FRA10AC1: variants seen among roughly 807,000 people sequenced by gnomAD.
FRA10AC1 encodes the protein FRA10A associated CGG repeat 1.
A neutral mutation model predicts 56.5 loss-of-function variants in FRA10AC1; 43 were observed. The observed-to-expected ratio is 0.76, with a 90% CI of 0.60 to 0.98. The LOEUF (loss-of-function observed/expected upper bound fraction) is 0.98. Among genes scored for constraint, FRA10AC1 ranks in the 50% least tolerant of loss-of-function variants. FRA10AC1 has a pLI of 0.00. For missense variants in FRA10AC1, 346 were observed against 351.8 expected (o/e 0.98, Z 0.13); for synonymous variants, 112 against 110.5 (o/e 1.01, Z -0.09).
chr10:93,674,474 G>A (rs927132550), intron 12 of FRA10AC1: 2 of 152,268 alleles, frequency 1.3e-5, no homozygotes, highest in Non-Finnish European at 1.5e-5. Context: ...CCATAACAAT[G>A]TATATGTTTC....
intron 12 of FRA10AC1, chr10:93,673,362 C>T (rs1202440079): frequency 4.4e-6 from 2 of 456,580 alleles, no homozygotes; most frequent in Non-Finnish European, 4.4e-6. Flanking sequence ...ATCTGCAGTT[C>T]CTCCAACATT....
chr10:93,687,604 T>C (rs1405292891), intron 7 of FRA10AC1, 155 bp from the exon 8 acceptor site: 15 of 694,140 alleles, frequency 2.2e-5, no homozygotes, highest in Admixed American at 7.3e-5. Flanking sequence ...AGAAAATACA[T>C]TGAACAATCA....
In FRA10AC1 at chr10:93,685,289, A is replaced by G; in HGVS notation, c.582T>C (p.Gly194=). 6.3e-7 allele frequency: 1 copy of G among 1,588,174 alleles called. No individual in the cohort carries two copies. Among genetic ancestry groups the G allele is most frequent in the Non-Finnish European group, 8.6e-7 (1 of 1,158,524 alleles). The change falls in exon 9 of 14, where the codon GGT becomes GGC. Residue 194 remains glycine, a synonymous_variant. Transcript: ENST00000359204. ...TTCTCTTCTCACCATGCTCAATATA[A>G]CCAAAATTAACTTCCCAACTCTTTA... The part of the protein sequence containing the change: ...EGLKSWEVNF[G]YIEHGEKRNA...
At chr10:93,682,414 G>T (rs112343627) in intron 10 of FRA10AC1, among the ~76,000 whole-genome samples, 1 of 152,142 alleles carries the variant, frequency 6.6e-6, no homozygotes, top group Non-Finnish European at 1.5e-5. Context: ...ATTTTGAAAT[G>T]AAGCTCAAAA....
At chr10:93,677,110 A>G (rs1193392437) in intron 11 of FRA10AC1, among the ~76,000 whole-genome samples, 3 of 152,342 alleles carry the variant, frequency 2.0e-5, no homozygotes, top group Non-Finnish European at 4.4e-5. Flanking sequence ...GCAGGTAAGT[A>G]TTAGTTCTCA....
intron 1 of FRA10AC1, among the ~76,000 whole-genome samples, chr10:93,701,776 T>C (rs1232055414): frequency 1.3e-5 from 2 of 152,128 alleles, no homozygotes; most frequent in East Asian, 3.9e-4. Context: ...TCACGTTCTT[T>C]ACATCTTGAT....
rs139811637 is a variant in FRA10AC1, at chr10:93,702,522, A to ACCGCCGCCG, written c.-157_-149dup. 8.3e-4 allele frequency: 179 copies of ACCGCCGCCG among 216,038 alleles called. 9 individuals carry two copies. Among genetic ancestry groups the ACCGCCGCCG allele is most frequent in the South Asian group, 5.7e-3 (96 of 16,984 alleles). The allele number at this position is 216,038 out of a possible 1,614,324, so 13.4% of individuals were successfully genotyped here. On this transcript the variant is annotated 5_prime_UTR_variant, in exon 1 of 14. Transcript: ENST00000359204. ...GCCGCACAGCCTCGCCACAACCACCACCGCCGCCGCCGCCGCCGCCGCCGC... is the reference window on the plus strand; with the variant it reads ...GCCGCACAGCCTCGCCACAACCACCACCGCCGCCGCCGCCGCCGCCGCCGCCGCCGCCGC...
chr10:93,676,748 G>A (rs2058848863), intron 11 of FRA10AC1, 57 bp from the exon 12 acceptor site: 2 of 1,499,642 alleles, frequency 1.3e-6, no homozygotes, highest in Non-Finnish European at 1.8e-6. Flanking sequence ...TGCAATCATT[G>A]TAGCTATAAC....
At chr10:93,674,610 AC>A (rs2058815662) in intron 12 of FRA10AC1, 1 of 152,102 alleles carries the variant, frequency 6.6e-6, no homozygotes, top group South Asian at 2.1e-4. Context: ...CACAGTATTC[AC>A]CCTGCTTCTA....
At chr10:93,698,471 G>A in intron 2 of FRA10AC1, 75 bp from the exon 3 acceptor site, 12 of 786,922 alleles carry the variant, frequency 1.5e-5, no homozygotes, top group South Asian at 3.8e-5. Context: ...TTTCATAACT[G>A]GAATATACTT....
At chr10:93,695,116 A>T (rs1383111007) in intron 4 of FRA10AC1, among the ~76,000 whole-genome samples, 179 bp from the exon 5 acceptor site, 1 of 152,136 alleles carries the variant, frequency 6.6e-6, no homozygotes, top group Non-Finnish European at 1.5e-5. Context: ...AAATTGTTGA[A>T]AGTGAAGATT....
In FRA10AC1 at chr10:93,684,058, G is replaced by A; in HGVS notation, c.666C>T (p.His222=). 6.3e-7 allele frequency: 1 copy of A among 1,593,418 alleles called. No individual in the cohort carries two copies. The highest frequency in any genetic ancestry group is 8.6e-7 in the Non-Finnish European group (1 of 1,162,030). The part of the protein sequence containing the change: ...QECSIKLNFH[H]RRKEIKSKKR... Reference sequence around the variant, plus strand: ...AATGGCATTTTAAAAGACATTACCTGTGATGGAAATTTAATTTAATGGAAC... The same window carrying A: ...AATGGCATTTTAAAAGACATTACCTATGATGGAAATTTAATTTAATGGAAC... Residue 222 remains histidine, a splice_region_variant and synonymous_variant, in exon 10 of 14, where the codon CAC becomes CAT. Transcript: ENST00000359204.
chr10:93,680,617 G>C (rs2058918171), intron 11 of FRA10AC1, among the ~76,000 whole-genome samples: 1 of 152,130 alleles, frequency 6.6e-6, no homozygotes, highest in Non-Finnish European at 1.5e-5. Context: ...GCCCTCTCCT[G>C]TCCAAATATT....
intron 5 of FRA10AC1, among the ~76,000 whole-genome samples, chr10:93,694,345 T>C (rs1206819689): frequency 2.0e-5 from 3 of 152,106 alleles, no homozygotes; most frequent in African/African-American, 7.2e-5. Context: ...AGAGTCTACC[T>C]GAGGCCTGTC....
chr10:93,671,166 T>C (rs1183611287), intron 12 of FRA10AC1: 1 of 216,100 alleles, frequency 4.6e-6, no homozygotes, highest in Non-Finnish European at 9.4e-6. Context: ...TTGTCTCTGA[T>C]CTAGTTTCTT....
intron 4 of FRA10AC1, 54 bp downstream of exon 4, chr10:93,698,082 C>T: frequency 7.0e-6 from 7 of 994,466 alleles, no homozygotes; most frequent in African/African-American, 1.7e-5. Flanking sequence ...AACAAAAAAG[C>T]AGATTTTAAA....
Position 93,681,572 on chromosome 10 carries a change from C to T in FRA10AC1, c.695G>A (p.Arg232Lys). The T allele has an allele frequency of 6.5e-7, 1 of 1,541,006 alleles. No individual in the cohort carries two copies. The highest frequency in any genetic ancestry group is 2.4e-5 in the East Asian group (1 of 42,384). The change falls in exon 11 of 14, where the codon AGA becomes AAA. Residue 232 changes from arginine to lysine, a missense_variant. Coordinates refer to ENST00000359204, the MANE Select transcript of FRA10AC1 (RefSeq NM_145246.5). ...ACAGTCTTTTTTGGTTTTATCTTTT[C>T]TTTTTTTTGACTTGATTTCTTTTCT... ...HRRKEIKSKKRKDKTKKDCEE... is the reference protein window; with the variant it reads ...HRRKEIKSKKKKDKTKKDCEE...
Position 93,669,874 on chromosome 10 carries a change from T to TAA in FRA10AC1, c.906-8_906-7dup. 14 of 1,379,948 alleles carry TAA rather than the reference T, an allele frequency of 1.0e-5. No individual in the cohort carries two copies. The highest frequency in any genetic ancestry group is 1.3e-5 in the South Asian group (1 of 74,568). The allele number at this position is 1,379,948 out of a possible 1,614,324, so 85.5% of individuals were successfully genotyped here. On this transcript the variant is annotated splice_region_variant and splice_polypyrimidine_tract_variant and intron_variant, in intron 13 of 13. Coordinates refer to ENST00000359204, the MANE Select transcript of FRA10AC1 (RefSeq NM_145246.5). Reference sequence around the variant, plus strand: ...ACTCATCAAATTCTTCTTCCCTATTTAAAAAAAAAAGCATACTTAAGATCA... The same window carrying TAA: ...ACTCATCAAATTCTTCTTCCCTATTTAAAAAAAAAAAAGCATACTTAAGATCA...
intron 12 of FRA10AC1, chr10:93,671,217 A>C (rs1459240148): frequency 5.5e-6 from 1 of 182,160 alleles, no homozygotes; most frequent in African/African-American, 2.4e-5. Context: ...GTTAAGATTT[A>C]CATTTGTAGA....
Sources: allele counts gnomAD v4.1 joint callset (sites outside exome capture counted in the v4.1 genomes callset), GRCh38; gene constraint gnomAD v4.1.1; transcripts MANE v1.5; gene names NCBI Gene and HGNC (gene_info 2026-07-23, HGNC 2026-07-21).